The following TBC1D9 variants were observed in gnomAD, a reference collection of about 807,000 sequenced individuals.
TBC1D9 encodes TBC1 domain family member 9A.
In TBC1D9, 63 loss-of-function variants were observed where a neutral mutation model predicts 132.0. The observed-to-expected ratio is 0.48, with a 90% CI of 0.39 to 0.59. The LOEUF is 0.59. Among genes scored for constraint, TBC1D9 ranks in the 20% least tolerant of loss-of-function variants. The probability of loss-of-function intolerance (pLI) is 0.00; values close to 1 mark genes in which losing one functional copy is unlikely to be tolerated. For missense variants in TBC1D9, 1,261 were observed against 1,592.7 expected, an observed-to-expected ratio of 0.79 and a Z score of 3.54; for synonymous variants, 610 against 609.9, an observed-to-expected ratio of 1.00 and a Z score of 0.00.
chr4:140,644,952 G>A (rs974386494), intron 13 of TBC1D9: 4 of 455,320 alleles, frequency 8.8e-6, no homozygotes, highest in Non-Finnish European at 1.7e-5. Context: ...CAGAGATGGA[G>A]GTCCCAAGCC....
intron 13 of TBC1D9, chr4:140,642,793 G>A (rs891542914): frequency 9.9e-5 from 62 of 626,432 alleles, no homozygotes; most frequent in Non-Finnish European, 1.6e-4. Context: ...TCAGCTTTCC[G>A]CTACTGTTGC....
intron 9 of TBC1D9, among the ~76,000 whole-genome samples, chr4:140,663,703 T>G (rs1278958005): frequency 6.6e-6 from 1 of 152,158 alleles, no homozygotes; most frequent in African/African-American, 2.4e-5. Flanking sequence ...GATACTATAT[T>G]CAGCCTATAA....
intron 1 of TBC1D9, among the ~76,000 whole-genome samples, chr4:140,727,767 AAATG>A (rs1190735127): frequency 6.6e-6 from 1 of 152,088 alleles, no homozygotes; most frequent in Non-Finnish European, 1.5e-5. Flanking sequence ...ACAAGTGAAT[AAATG>A]AATGAATGAA....
chr4:140,712,999 T>C (rs1474317670), intron 1 of TBC1D9, among the ~76,000 whole-genome samples: 2 of 152,236 alleles, frequency 1.3e-5, no homozygotes, highest in African/African-American at 4.8e-5. Context: ...CCAGAGCTTA[T>C]ATACCTTCTA....
At chr4:140,631,990 A>G (rs1736802016) in intron 16 of TBC1D9, among the ~76,000 whole-genome samples, 1 of 152,180 alleles carries the variant, frequency 6.6e-6, no homozygotes, top group African/African-American at 2.4e-5. Context: ...AACTGACAAC[A>G]GCTCTGCAAC....
chr4:140,657,612 G>A lies in TBC1D9; in HGVS notation c.2122C>T (p.Gln708Ter). 6.2e-7 allele frequency: 1 copy of A among 1,613,932 alleles called. No homozygotes were observed. Among genetic ancestry groups the A allele is most frequent in the Non-Finnish European group, 8.5e-7 (1 of 1,179,872 alleles). ...GCATCCAGCACAGCTAGGGCCAACT[G>A]GAATATCACTTTAATTCCTTCATAG... Reference protein sequence around the residue: ...FFYEGIKVIFQLALAVLDANV... With the variant: ...FFYEGIKVIF The change falls in exon 12 of 21, where the codon CAG (glutamine) becomes TAG (stop). Residue 708 changes from glutamine (Q) to a stop codon, truncating the protein, a stop_gained. Transcript: ENST00000442267. LOFTEE classifies it high-confidence loss of function.
Position 140,624,220 on chromosome 4 carries a change from C to T in TBC1D9, c.2975-1G>A. Reference sequence around the variant, plus strand: ...TTTTCTTGGGAATTTGCTCTCTTCCCTACAACCCAAATGTCAAGAAATAAG... The same window carrying T: ...TTTTCTTGGGAATTTGCTCTCTTCCTTACAACCCAAATGTCAAGAAATAAG... On this transcript the variant is annotated splice_acceptor_variant, in intron 19 of 20. Coordinates refer to ENST00000442267, the MANE Select transcript of TBC1D9 (RefSeq NM_015130.3). LOFTEE classifies it high-confidence loss of function. 6.2e-7 allele frequency: 1 copy of T among 1,611,332 alleles called. No homozygotes were observed. Among genetic ancestry groups the T allele is most frequent in the Non-Finnish European group, 8.5e-7 (1 of 1,178,518 alleles).
Position 140,714,179 on chromosome 4 carries a change from T to C in TBC1D9, c.131-12565A>G, listed in dbSNP as rs6817064. 1.9e-3 allele frequency among the ~76,000 whole-genome samples: 289 copies of C among 152,200 alleles called. 1 individual carries two copies. Among genetic ancestry groups the C allele is most frequent in the African/African-American group, 6.5e-3 (272 of 41,554 alleles). ...ATGAAAAGATGAGCCACTTCCCTTGTTGGCAAAAAAGAGTCAAGCTCTGTA... is the reference window on the plus strand; with the variant it reads ...ATGAAAAGATGAGCCACTTCCCTTGCTGGCAAAAAAGAGTCAAGCTCTGTA... On this transcript the variant is annotated intron_variant, in intron 1 of 20. Coordinates refer to ENST00000442267, the MANE Select transcript of TBC1D9 (RefSeq NM_015130.3).
At chr4:140,669,513 G>C in intron 8 of TBC1D9, 121 bp downstream of exon 8, 2 of 1,137,216 alleles carry the variant, frequency 1.8e-6, no homozygotes, top group African/African-American at 3.1e-5. Context: ...ACAAAAATCT[G>C]CTTAACTTAT....
rs373112760 is a variant in TBC1D9, at chr4:140,730,727, A to G, written c.130+25189T>C. On this transcript the variant is annotated intron_variant, in intron 1 of 20. Coordinates refer to ENST00000442267, the MANE Select transcript of TBC1D9 (RefSeq NM_015130.3). The stretch of plus-strand genomic sequence containing the variant: ...GGCAACAGAGCAAGACTCCGTCTCA[A>G]AAAAACAAAAATAAAAACAAACAAC... Among the ~76,000 whole-genome samples, 302 of 152,314 alleles carry G rather than the reference A, an allele frequency of 2.0e-3. 2 individuals are homozygous for G. Among genetic ancestry groups the G allele is most frequent in the African/African-American group, 6.6e-3 (276 of 41,570 alleles).
intron 5 of TBC1D9, among the ~76,000 whole-genome samples, chr4:140,677,949 C>T (rs916162037): frequency 1.3e-5 from 2 of 152,128 alleles, no homozygotes; most frequent in South Asian, 2.1e-4. Flanking sequence ...GTCTCCACAC[C>T]TACCCTCACC....
chr4:140,738,477 T>C (rs994982656), intron 1 of TBC1D9, among the ~76,000 whole-genome samples: 2 of 152,140 alleles, frequency 1.3e-5, no homozygotes, highest in Non-Finnish European at 2.9e-5. Context: ...CCCTCCTTCT[T>C]GCTCTTTCCC....
Position 140,695,013 on chromosome 4 carries a change from C to T in TBC1D9, c.241+6491G>A, listed in dbSNP as rs139012595. 5.8e-3 allele frequency among the ~76,000 whole-genome samples: 882 copies of T among 152,348 alleles called. 23 individuals carry two copies. Among genetic ancestry groups the T allele is most frequent in the Admixed American group, 0.049 (748 of 15,298 alleles). On this transcript the variant is annotated intron_variant, in intron 2 of 20. Transcript: ENST00000442267. The stretch of plus-strand genomic sequence containing the variant: ...TTATAAAAATACCTATCAACTTTCA[C>T]ATTACGTCTGCCTCATGCAGAAGGC...
chr4:140,660,617 T>A (rs551858382), intron 10 of TBC1D9, among the ~76,000 whole-genome samples: 66 of 152,150 alleles, frequency 4.3e-4, no homozygotes, highest in African/African-American at 1.5e-3. Context: ...CGGAGATAGG[T>A]TTTTTTAGGG....
At chr4:140,657,248 A>C in intron 12 of TBC1D9, 22 bp from the exon 13 acceptor site, 1 of 1,609,248 alleles carries the variant, frequency 6.2e-7, no homozygotes, top group South Asian at 1.1e-5. Flanking sequence ...ATGCATCAGA[A>C]GTCACAGGAG....
At chr4:140,710,458 CAA>C in intron 1 of TBC1D9, among the ~76,000 whole-genome samples, 1 of 152,134 alleles carries the variant, frequency 6.6e-6, no homozygotes, top group Non-Finnish European at 1.5e-5. Flanking sequence ...AAATGCTCAA[CAA>C]GAGAGAGAGA....
chr4:140,660,217 A>G (rs1737336031), intron 10 of TBC1D9, among the ~76,000 whole-genome samples: 1 of 152,232 alleles, frequency 6.6e-6, no homozygotes, highest in Non-Finnish European at 1.5e-5. Flanking sequence ...CCATACGGAG[A>G]GAGATGGTAG....
chr4:140,663,868 T>G (rs1737402663), intron 9 of TBC1D9, among the ~76,000 whole-genome samples: 1 of 151,742 alleles, frequency 6.6e-6, no homozygotes, highest in Admixed American at 6.6e-5. Flanking sequence ...TCTAGAATGG[T>G]GATTACCAGG....
At chr4:140,704,399 TCAAA>T (rs10660967) in intron 1 of TBC1D9, among the ~76,000 whole-genome samples, 7 of 133,500 alleles carry the variant, frequency 5.2e-5, no homozygotes, top group Admixed American at 1.6e-4. Flanking sequence ...AGACTCTGTC[TCAAA>T]CAAACAAACA....
Sources: gnomAD v4.1 joint callset for allele counts (sites outside exome capture counted in the v4.1 genomes callset) on GRCh38, gnomAD v4.1.1 for gene constraint, MANE v1.5 for transcripts, NCBI Gene and HGNC (gene_info 2026-07-23, HGNC 2026-07-21) for gene names.